The following SEMA3A variants were observed in gnomAD, a reference collection of about 807,000 sequenced individuals.
SEMA3A encodes semaphorin-3A.
A neutral mutation model predicts 97.9 loss-of-function variants in SEMA3A; 29 were observed. That is an observed-to-expected ratio of 0.30 (90% CI 0.22 to 0.40). SEMA3A has a LOEUF of 0.40. Among genes scored for constraint, SEMA3A ranks in the 10% least tolerant of loss-of-function variants. The pLI is 1.00. For synonymous variants in SEMA3A, 321 were observed against 323.7 expected (o/e 0.99, Z 0.09); for missense variants, 763 against 951.3 (o/e 0.80, Z 2.60).
intron 6 of SEMA3A, among the ~76,000 whole-genome samples, chr7:84,023,970 C>G (rs1222171187): frequency 2.0e-5 from 3 of 150,340 alleles, no homozygotes; most frequent in Admixed American, 2.0e-4. Flanking sequence ...GGAGATCGCG[C>G]CACTGCACTC....
At chr7:84,243,496 C>T (rs1023627596) in intron 3 of SEMA3A, among the ~76,000 whole-genome samples, 1 of 151,946 alleles carries the variant, frequency 6.6e-6, no homozygotes, top group African/African-American at 2.4e-5. Flanking sequence ...GGTGATCTCC[C>T]CTTTATCATT....
intron 1 of SEMA3A, among the ~76,000 whole-genome samples, chr7:84,424,583 TTA>T (rs1193220795): frequency 3.9e-5 from 2 of 50,648 alleles, no homozygotes; most frequent in Non-Finnish European, 5.9e-5. Context: ...TTAATATATA[TTA>T]TATATAATAT....
intron 3 of SEMA3A, among the ~76,000 whole-genome samples, chr7:84,249,199 T>C (rs184233250): frequency 2.0e-5 from 3 of 152,288 alleles, no homozygotes; most frequent in Admixed American, 2.0e-4. Flanking sequence ...TAAAGGGTCA[T>C]TCTTCAAACC....
chr7:84,132,930 C>A (rs1796010298), intron 2 of SEMA3A, among the ~76,000 whole-genome samples: 1 of 152,012 alleles, frequency 6.6e-6, no homozygotes, highest in South Asian at 2.1e-4. Flanking sequence ...CCGCCTTGGC[C>A]TCCTGAAATG....
chr7:84,406,225 C>T (rs368664457), intron 1 of SEMA3A, among the ~76,000 whole-genome samples: 3 of 152,068 alleles, frequency 2.0e-5, no homozygotes, highest in South Asian at 2.1e-4. Flanking sequence ...ATATCACCAC[C>T]GATCCCACAG....
At chr7:84,440,528 C>T (rs987373127) in intron 1 of SEMA3A, among the ~76,000 whole-genome samples, 3 of 152,114 alleles carry the variant, frequency 2.0e-5, no homozygotes, top group African/African-American at 4.8e-5. Flanking sequence ...ATGAATCCTC[C>T]GCCTTTCTTT....
At chr7:84,325,132 T>TATCC (rs1801743799) in intron 2 of SEMA3A, among the ~76,000 whole-genome samples, 1 of 90,452 alleles carries the variant, frequency 1.1e-5, no homozygotes. Context: ...TCTATCTATC[T>TATCC]ATCTATCTAT....
intron 1 of SEMA3A, among the ~76,000 whole-genome samples, chr7:84,483,048 A>G (rs1806486409): frequency 6.6e-6 from 1 of 152,152 alleles, no homozygotes; most frequent in South Asian, 2.1e-4. Context: ...AAGCAAATCA[A>G]AACTATAAAT....
intron 1 of SEMA3A, among the ~76,000 whole-genome samples, chr7:84,186,355 C>T (rs546448538): frequency 1.6e-4 from 25 of 152,154 alleles, no homozygotes; most frequent in Admixed American, 2.6e-4. Flanking sequence ...ATACATAGAA[C>T]GCAAGTAAGA....
At chr7:84,447,221 G>T (rs1040505904) in intron 1 of SEMA3A, among the ~76,000 whole-genome samples, 4 of 152,206 alleles carry the variant, frequency 2.6e-5, no homozygotes, top group African/African-American at 9.6e-5. Flanking sequence ...CGACCAATGG[G>T]AGGCTGAGGG....
intron 3 of SEMA3A, among the ~76,000 whole-genome samples, chr7:84,292,342 T>G (rs1800769326): frequency 6.6e-6 from 1 of 151,996 alleles, no homozygotes. Flanking sequence ...TTATTAAGAT[T>G]TAGTTGAAAA....
At chr7:84,235,479 CTTTA>C (rs879754841) in intron 3 of SEMA3A, among the ~76,000 whole-genome samples, 4 of 151,794 alleles carry the variant, frequency 2.6e-5, no homozygotes, top group Admixed American at 6.6e-5. Context: ...ATTGTTTCTT[CTTTA>C]TTTCTTTATT....
At chr7:84,275,380 C>T (rs1319391492) in intron 3 of SEMA3A, among the ~76,000 whole-genome samples, 1 of 152,020 alleles carries the variant, frequency 6.6e-6, no homozygotes, top group Non-Finnish European at 1.5e-5. Context: ...TATTTGTAAA[C>T]TCTAATTCAC....
chr7:84,398,646 T>A (rs1803806690), intron 1 of SEMA3A, among the ~76,000 whole-genome samples: 1 of 150,824 alleles, frequency 6.6e-6, no homozygotes, highest in South Asian at 2.2e-4. Context: ...CTATATAATT[T>A]TTTTTGTTTT....
intron 1 of SEMA3A, among the ~76,000 whole-genome samples, chr7:84,463,354 T>G (rs1361427942): frequency 6.8e-6 from 1 of 146,854 alleles, no homozygotes; most frequent in Non-Finnish European, 1.5e-5. Flanking sequence ...GTTCAGGCCA[T>G]TCTCCTGCCT....
intron 1 of SEMA3A, among the ~76,000 whole-genome samples, chr7:84,425,034 TTATAATTATATATAATTA>T (rs1804755931): frequency 9.6e-6 from 1 of 103,724 alleles, no homozygotes; most frequent in Non-Finnish European, 1.7e-5. Context: ...ATATAATTAT[TTATAATTATATATAATTA>T]TATAATTATA....
At chr7:84,346,887 G>T (rs979089675) in intron 2 of SEMA3A, among the ~76,000 whole-genome samples, 2 of 152,174 alleles carry the variant, frequency 1.3e-5, no homozygotes, top group Non-Finnish European at 2.9e-5. Flanking sequence ...GCAATTATCT[G>T]CCACTTGCAT....
At chr7:84,399,215 G>T (rs1300577808) in intron 1 of SEMA3A, among the ~76,000 whole-genome samples, 2 of 152,156 alleles carry the variant, frequency 1.3e-5, no homozygotes, top group African/African-American at 4.8e-5. Flanking sequence ...TTCTGCCAGT[G>T]CCCACAGAGG....
chr7:84,108,671 T>G (rs752764735), intron 4 of SEMA3A, among the ~76,000 whole-genome samples: 3 of 152,052 alleles, frequency 2.0e-5, no homozygotes, highest in Non-Finnish European at 2.9e-5. Flanking sequence ...TTTGGGAGGC[T>G]GAGGTGGGTG....
Sources: gnomAD v4.1 joint callset for allele counts (sites outside exome capture counted in the v4.1 genomes callset) on GRCh38, gnomAD v4.1.1 for gene constraint, MANE v1.5 for transcripts, NCBI Gene and HGNC (gene_info 2026-07-23, HGNC 2026-07-21) for gene names.